The following SOX5 variants were observed in gnomAD, a reference collection of about 807,000 sequenced individuals.
The protein encoded by SOX5 is SRY-box transcription factor 5.
SOX5 carries 9 observed loss-of-function variants against 92.0 expected under a neutral mutation model. The observed-to-expected ratio is 0.10, with a 90% CI of 0.06 to 0.17. The LOEUF (loss-of-function observed/expected upper bound fraction) is 0.17. SOX5 is among the 10% of genes least tolerant of loss of function. The pLI is 1.00. For missense variants in SOX5, 642 were observed against 944.5 expected (o/e 0.68, Z 4.20); for synonymous variants, 344 against 336.3 (o/e 1.02, Z -0.25).
Position 23,652,517 on chromosome 12 carries a change from G to GTTT in SOX5, c.932-11623_932-11621dup, listed in dbSNP as rs3030242. On this transcript the variant is annotated intron_variant, in intron 7 of 14. Transcript: ENST00000451604. ...GACTGTAGCCTAGACCTCTTCTACT[G>GTTT]TTTTTTTTTTTTTTTGAGCAATTCT... 8.1e-3 allele frequency among the ~76,000 whole-genome samples: 1,128 copies of GTTT among 140,038 alleles called. 23 individuals are homozygous for GTTT. The highest frequency in any genetic ancestry group is 0.025 in the African/African-American group (953 of 37,582). The allele number at this position is 140,038 out of a possible 152,430, so 91.9% of individuals were successfully genotyped here. A position where few individuals can be genotyped will look rare whatever the true frequency, so the allele number is the denominator to read the frequency against.
At chr12:23,993,913 AT>A (rs1950802068) in intron 4 of SOX5, among the ~76,000 whole-genome samples, 1 of 150,854 alleles carries the variant, frequency 6.6e-6, no homozygotes, top group Non-Finnish European at 1.5e-5. Flanking sequence ...GTATGTATGT[AT>A]GCATGTATGC....
chr12:23,552,279 G>T (rs553759666), intron 11 of SOX5, among the ~76,000 whole-genome samples: 2 of 152,006 alleles, frequency 1.3e-5, no homozygotes, highest in South Asian at 4.1e-4. Flanking sequence ...CTTGGTAGAG[G>T]TTGTGGTAAT....
chr12:24,423,847 G>A (rs1260777559), intron 1 of SOX5, among the ~76,000 whole-genome samples: 1 of 152,180 alleles, frequency 6.6e-6, no homozygotes, highest in East Asian at 1.9e-4. Flanking sequence ...AGGTCTGCTA[G>A]CCCAAAATGA....
chr12:23,712,320 T>C (rs1206822942), intron 6 of SOX5, among the ~76,000 whole-genome samples: 2 of 152,198 alleles, frequency 1.3e-5, no homozygotes, highest in African/African-American at 4.8e-5. Context: ...ATGGAAAACA[T>C]GTAAACCTGG....
intron 1 of SOX5, among the ~76,000 whole-genome samples, chr12:24,453,489 T>C (rs1262589457): frequency 1.3e-5 from 2 of 152,336 alleles, no homozygotes; most frequent in African/African-American, 2.4e-5. Flanking sequence ...TTTTATACTA[T>C]GCTTAACTAT....
At chr12:23,727,486 T>C (rs1476656976) in intron 6 of SOX5, among the ~76,000 whole-genome samples, 1 of 151,898 alleles carries the variant, frequency 6.6e-6, no homozygotes, top group Non-Finnish European at 1.5e-5. Flanking sequence ...ATAACAGAAA[T>C]TGGCAGTTGG....
chr12:24,492,771 T>G (rs1255220699), intron 1 of SOX5, among the ~76,000 whole-genome samples: 1 of 152,202 alleles, frequency 6.6e-6, no homozygotes, highest in Non-Finnish European at 1.5e-5. Flanking sequence ...AAGAATGGGC[T>G]GTGAAATAGT....
At chr12:24,004,059 G>A (rs566042295) in intron 4 of SOX5, among the ~76,000 whole-genome samples, 316 of 152,132 alleles carry the variant, frequency 2.1e-3, no homozygotes, top group Admixed American at 3.1e-3. Context: ...AGAAAGGACA[G>A]TCTTTTTAAC....
At chr12:23,668,532 T>G (rs1217779480) in intron 6 of SOX5, among the ~76,000 whole-genome samples, 1 of 152,212 alleles carries the variant, frequency 6.6e-6, no homozygotes, top group East Asian at 1.9e-4. Flanking sequence ...AAAACTAACT[T>G]GGTATAGGGT....
intron 1 of SOX5, among the ~76,000 whole-genome samples, chr12:24,395,292 T>C (rs1341366532): frequency 6.6e-6 from 1 of 152,072 alleles, no homozygotes. Context: ...CCTAAGTCTT[T>C]GGAACCACAA....
chr12:23,698,173 T>A (rs931498430), intron 6 of SOX5, among the ~76,000 whole-genome samples: 2 of 152,260 alleles, frequency 1.3e-5, no homozygotes, highest in African/African-American at 2.4e-5. Context: ...ATGGTTTTTT[T>A]AATCTCTGGC....
chr12:24,277,542 T>TATACATATAC (rs1944633921), intron 2 of SOX5, among the ~76,000 whole-genome samples: 1 of 59,894 alleles, frequency 1.7e-5, no homozygotes, highest in African/African-American at 4.5e-5. Flanking sequence ...AATTTATATG[T>TATACATATAC]ATATAAATTT....
chr12:24,540,975 A>C (rs757866398), intron 1 of SOX5, among the ~76,000 whole-genome samples: 1 of 152,034 alleles, frequency 6.6e-6, no homozygotes. Flanking sequence ...ACTTAACATA[A>C]CCCTTTTAAT....
chr12:23,546,989 A>G (rs1485755509), intron 11 of SOX5, among the ~76,000 whole-genome samples: 2 of 152,156 alleles, frequency 1.3e-5, no homozygotes, highest in Non-Finnish European at 2.9e-5. Flanking sequence ...AGTGCCTGCT[A>G]CTTGGACCAC....
chr12:24,336,130 T>A (rs1188585739), intron 2 of SOX5, among the ~76,000 whole-genome samples: 1 of 151,674 alleles, frequency 6.6e-6, no homozygotes, highest in East Asian at 1.9e-4. Flanking sequence ...AGTCTCGCTC[T>A]GTCACCCAGG....
chr12:23,604,960 G>C lies in SOX5; in HGVS notation c.1018-427C>G, dbSNP rs980830939. Among the ~76,000 whole-genome samples, 5 of 151,962 alleles carry C rather than the reference G, an allele frequency of 3.3e-5. No individual in the cohort carries two copies. The South Asian group carries it at 6.2e-4, about 19-fold the overall frequency. On this transcript the variant is annotated intron_variant, in intron 8 of 14. Coordinates refer to ENST00000451604, the MANE Select transcript of SOX5 (RefSeq NM_006940.6). ...TGTATGCCTCTTTCTTTGATTTCTT[G>C]AAATGGGCACCCGAAACAATTTTTC... is the stretch of plus-strand genomic sequence containing the variant.
At position 24,393,236 on chromosome 12, in the gene SOX5, T is replaced by C. The variant is rs376644359; in HGVS notation, c.-250-24597A>G. Among the ~76,000 whole-genome samples, 14 of 152,320 alleles carry C rather than the reference T, an allele frequency of 9.2e-5. No homozygotes were observed. In the East Asian group the frequency reaches 2.3e-3, roughly 25 times the overall value. ...ATGATGACAGCTAGCAGACAAATCC[T>C]GTTCCCCATTCTAAATTCTGTCTAC... On this transcript the variant is annotated intron_variant, in intron 1 of 4. Coordinates refer to the SOX5 transcript ENST00000446891. This position sits in a 1 kb window ranked among gnomAD's most constrained non-coding sequence, Gnocchi z 5.0.
chr12:24,356,659 G>T (rs1954866435), intron 2 of SOX5, among the ~76,000 whole-genome samples: 1 of 151,970 alleles, frequency 6.6e-6, no homozygotes, highest in African/African-American at 2.4e-5. Flanking sequence ...CTCAGTCTCA[G>T]CGCACCTCAG....
At chr12:24,182,289 A>G (rs943783555) in intron 4 of SOX5, among the ~76,000 whole-genome samples, 19 of 152,230 alleles carry the variant, frequency 1.2e-4, no homozygotes, top group Non-Finnish European at 2.6e-4. Context: ...GTCTTTTCAT[A>G]TGCTCTAAGC....
Sources: allele counts gnomAD v4.1 joint callset (sites outside exome capture counted in the v4.1 genomes callset), GRCh38; gene constraint gnomAD v4.1.1; non-coding constraint Gnocchi (gnomAD v3.1); transcripts MANE v1.5; gene names NCBI Gene and HGNC (gene_info 2026-07-23, HGNC 2026-07-21).